NDUFB5: variants seen among roughly 807,000 people sequenced by gnomAD.
NDUFB5 encodes the protein NADH:ubiquinone oxidoreductase subunit B5, also known as NADH dehydrogenase [ubiquinone] 1 beta subcomplex subunit 5, mitochondrial.
A neutral mutation model predicts 19.4 loss-of-function variants in NDUFB5; 19 were observed. The ratio of observed to expected loss-of-function variants is 0.98; its 90% CI spans 0.68 to 1.43. The LOEUF (loss-of-function observed/expected upper bound fraction) is 1.43, where lower values mean the gene tolerates loss of function less well. NDUFB5 is among the 40% of genes most tolerant of loss of function. The pLI, the probability that NDUFB5 is intolerant of heterozygous loss-of-function variation, is 0.00. For missense variants in NDUFB5, 233 were observed against 236.5 expected (o/e 0.99, Z 0.10); for synonymous variants, 80 against 82.6 (o/e 0.97, Z 0.17).
intron 1 of NDUFB5, among the ~76,000 whole-genome samples, chr3:179,606,647 A>G (rs1252563989): frequency 2.0e-5 from 3 of 152,176 alleles, no homozygotes; most frequent in Non-Finnish European, 4.4e-5. Flanking sequence ...CTCAAGCATC[A>G]TTTTAAGGGT....
At chr3:179,618,323 C>A in intron 4 of NDUFB5, 92 bp from the exon 5 acceptor site, 1 of 739,740 alleles carries the variant, frequency 1.4e-6, no homozygotes, top group Non-Finnish European at 2.2e-6. Flanking sequence ...ACTGGTTTAT[C>A]TAACTGAAAT....
At position 179,616,968 on chromosome 3, in the gene NDUFB5, A is replaced by AT; in HGVS notation, c.281-9dup. On this transcript the variant is annotated splice_polypyrimidine_tract_variant and intron_variant, in intron 3 of 5. Coordinates refer to ENST00000259037, the MANE Select transcript of NDUFB5 (RefSeq NM_002492.4). ...CCTCATGCTAAAGTTAAACATAACC[A>AT]TTTTTTCTTATTAGGTCAAGCTGAA... 6.2e-7 allele frequency: 1 copy of AT among 1,602,150 alleles called. No individual in the cohort carries two copies. Among genetic ancestry groups the AT allele is most frequent in the Admixed American group, 1.7e-5 (1 of 59,506 alleles).
intron 5 of NDUFB5, among the ~76,000 whole-genome samples, chr3:179,621,865 A>G (rs1048160793): frequency 1.3e-5 from 2 of 152,162 alleles, no homozygotes; most frequent in African/African-American, 4.8e-5. Context: ...GTCAGGTTTG[A>G]CAGTCTTTAG....
At chr3:179,607,475 CTT>C (rs1719133890) in intron 1 of NDUFB5, among the ~76,000 whole-genome samples, 1 of 152,148 alleles carries the variant, frequency 6.6e-6, no homozygotes, top group Admixed American at 6.5e-5. Context: ...ATTTCCTCCT[CTT>C]TAAAAAAGAT....
rs186364514 is a variant in NDUFB5, at chr3:179,612,103, C to T, written c.125-2868C>T. ...TAGCTGGGAGTACAAGCATGCACCA[C>T]CATTCCTGGTTACACACTAATATTT... On this transcript the variant is annotated intron_variant, in intron 1 of 5. Transcript: ENST00000259037. Among the ~76,000 whole-genome samples the T allele has an allele frequency of 2.9e-3, 446 of 152,096 alleles. 1 individual carries two copies. Among genetic ancestry groups the T allele is most frequent in the Non-Finnish European group, 5.5e-3 (373 of 67,992 alleles).
At chr3:179,606,726 A>G (rs1323508180) in intron 1 of NDUFB5, among the ~76,000 whole-genome samples, 1 of 152,200 alleles carries the variant, frequency 6.6e-6, no homozygotes, top group East Asian at 1.9e-4. Flanking sequence ...TGTGCAATAG[A>G]AGCAGGTAAA....
chr3:179,618,602 A>C (rs1335012880), intron 5 of NDUFB5, 81 bp downstream of exon 5: 4 of 909,528 alleles, frequency 4.4e-6, no homozygotes, highest in Non-Finnish European at 7.0e-6. Flanking sequence ...AAAACTATGA[A>C]TATTTCAGCA....
At chr3:179,615,540 A>C in intron 2 of NDUFB5, 1 of 457,562 alleles carries the variant, frequency 2.2e-6, no homozygotes, top group Non-Finnish European at 4.4e-6. Flanking sequence ...AATGCTGACT[A>C]TATTTCTGTC....
In NDUFB5 at chr3:179,624,990, G is replaced by C. The variant is rs1346249444; in HGVS notation, c.*950G>C. 2 of 151,746 alleles carry C rather than the reference G, an allele frequency of 1.3e-5. No homozygotes were observed. The highest frequency in any genetic ancestry group is 6.6e-5 in the Admixed American group (1 of 15,230). The allele number at this position is 151,746 out of a possible 1,614,324, so 9.4% of individuals were successfully genotyped here. ...ATTTTTCAGTAAAGACTGTTTCGCT[G>C]TGTTGGCCAGGCTGGTCTTGAACTT... On this transcript the variant is annotated 3_prime_UTR_variant, in exon 6 of 6. Coordinates refer to ENST00000259037, the MANE Select transcript of NDUFB5 (RefSeq NM_002492.4).
intron 5 of NDUFB5, among the ~76,000 whole-genome samples, chr3:179,621,236 C>T (rs934944409): frequency 1.3e-5 from 2 of 152,114 alleles, no homozygotes; most frequent in South Asian, 4.2e-4. Context: ...TGACACCATG[C>T]CCAGTTAATT....
chr3:179,618,332 A>G, intron 4 of NDUFB5, 83 bp from the exon 5 acceptor site: 1 of 811,358 alleles, frequency 1.2e-6, no homozygotes, highest in East Asian at 2.6e-5. Flanking sequence ...TCTAACTGAA[A>G]TGATCATTTT....
Position 179,604,893 on chromosome 3 carries a change from C to T in NDUFB5, c.78C>T (p.Arg26=). Residue 26 remains arginine (R), a synonymous_variant, in exon 1 of 6, where the codon CGC becomes CGT. Transcript: ENST00000259037. ...AALSGRPLGT[R]LGFGGFLTRG... Reference sequence around the variant, plus strand: ...TGTCTGGCCGGCCCCTTGGCACTCGCCTCGGATTTGGGGGCTTCCTCACTC... The same window carrying T: ...TGTCTGGCCGGCCCCTTGGCACTCGTCTCGGATTTGGGGGCTTCCTCACTC... The T allele has an allele frequency of 6.3e-7, 1 of 1,595,294 alleles. No individual in the cohort carries two copies. Among genetic ancestry groups the T allele is most frequent in the Non-Finnish European group, 8.5e-7 (1 of 1,174,814 alleles).
At chr3:179,616,461 G>A (rs1250119045) in intron 3 of NDUFB5, among the ~76,000 whole-genome samples, 1 of 152,122 alleles carries the variant, frequency 6.6e-6, no homozygotes, top group Non-Finnish European at 1.5e-5. Context: ...AGAATGGCTT[G>A]AACCCAGGAG....
chr3:179,612,998 A>C (rs1307326713), intron 1 of NDUFB5, among the ~76,000 whole-genome samples: 1 of 152,178 alleles, frequency 6.6e-6, no homozygotes, highest in East Asian at 1.9e-4. Flanking sequence ...TTTTGTGAGC[A>C]ACTAAATTTC....
Position 179,614,995 on chromosome 3 carries a change from A to G in NDUFB5, c.149A>G (p.His50Arg). 1 of 1,610,194 alleles carries G rather than the reference A, an allele frequency of 6.2e-7. No homozygotes were observed. The highest frequency in any genetic ancestry group is 8.5e-7 in the Non-Finnish European group (1 of 1,177,320). The change falls in exon 2 of 6, where the codon CAT (histidine) becomes CGT (arginine). Residue 50 changes from histidine to arginine, a missense_variant. By Grantham distance (29) the His-to-Arg change is conservative. Transcript: ENST00000259037. Reference sequence around the variant, plus strand: ...GCTCCTGTTCGACACAGTGGAGACCATGGGAAAAGACTATTTGTCATCAGA... The same window carrying G: ...GCTCCTGTTCGACACAGTGGAGACCGTGGGAAAAGACTATTTGTCATCAGA... ...AAAPVRHSGD[H>R]GKRLFVIRPS... is the part of the protein sequence containing the mutation.
At chr3:179,623,794 G>T in intron 5 of NDUFB5, 126 bp from the exon 6 acceptor site, 1 of 1,184,710 alleles carries the variant, frequency 8.4e-7, no homozygotes, top group South Asian at 1.3e-5. Context: ...CCTACATAAG[G>T]GTCTGTGGAG....
intron 5 of NDUFB5, among the ~76,000 whole-genome samples, chr3:179,622,879 T>C (rs905528369): frequency 6.6e-6 from 1 of 152,156 alleles, no homozygotes; most frequent in African/African-American, 2.4e-5. Context: ...AAGGGACTAC[T>C]TCAGGAATGT....
chr3:179,621,107 T>G (rs1484646664), intron 5 of NDUFB5, among the ~76,000 whole-genome samples: 1 of 152,190 alleles, frequency 6.6e-6, no homozygotes, highest in Non-Finnish European at 1.5e-5. Flanking sequence ...AGACAAAGTC[T>G]TGCTCTGTTG....
intron 3 of NDUFB5, among the ~76,000 whole-genome samples, chr3:179,616,312 G>T (rs1287448689): frequency 6.6e-6 from 1 of 152,164 alleles, no homozygotes. Flanking sequence ...GGAGGCCGAG[G>T]CGGGCAGATC....
Sources: gnomAD v4.1 joint callset for allele counts (sites outside exome capture counted in the v4.1 genomes callset) on GRCh38, gnomAD v4.1.1 for gene constraint, MANE v1.5 for transcripts, NCBI Gene and HGNC (gene_info 2026-07-23, HGNC 2026-07-21) for gene names.